Variants in CDH12 observed in about 807,000 individuals in gnomAD.
CDH12 encodes cadherin 12, also known as cadherin-12.
CDH12 carries 41 observed loss-of-function variants against 74.1 expected under a neutral mutation model. The observed-to-expected ratio is 0.55, with a 90% CI of 0.43 to 0.72. The LOEUF is 0.72. CDH12 is among the 30% of genes least tolerant of loss of function. The pLI is 0.00. For synonymous variants in CDH12, 399 were observed against 355.0 expected (o/e 1.12, Z -1.39); for missense variants, 945 against 977.2 (o/e 0.97, Z 0.44).
In CDH12 at chr5:22,435,937, C is replaced by A. The variant is rs541891139; in HGVS notation, c.-427-30586G>T. Among the ~76,000 whole-genome samples the A allele has an allele frequency of 2.0e-5, 3 of 151,734 alleles. No individual in the cohort carries two copies. The East Asian group carries it at 5.9e-4, about 30-fold the overall frequency. On this transcript the variant is annotated intron_variant, in intron 2 of 14. Coordinates refer to ENST00000382254, the MANE Select transcript of CDH12 (RefSeq NM_004061.5). ...TCCTGGCTCACTGGTTTCCCCCCAC[C>A]CATCATGGTGTCTTTAAAAACTCTG...
At chr5:21,868,300 C>A (rs1258579234) in intron 6 of CDH12, among the ~76,000 whole-genome samples, 1 of 152,158 alleles carries the variant, frequency 6.6e-6, no homozygotes, top group African/African-American at 2.4e-5. Flanking sequence ...CCTTTATCAG[C>A]AGTGTAAAAC....
At chr5:22,738,941 C>T (rs982687990) in intron 1 of CDH12, among the ~76,000 whole-genome samples, 3 of 152,032 alleles carry the variant, frequency 2.0e-5, no homozygotes, top group African/African-American at 7.2e-5. Context: ...TATTAAACAA[C>T]TGACATATTT....
At chr5:22,212,262 C>A (rs566978365) in intron 4 of CDH12, 10 of 152,434 alleles carry the variant, frequency 6.6e-5, no homozygotes, top group African/African-American at 1.9e-4. Context: ...AATTAACTAT[C>A]TTTTCATGTT....
intron 5 of CDH12, among the ~76,000 whole-genome samples, chr5:21,987,697 T>C (rs1757574581): frequency 6.6e-6 from 1 of 152,216 alleles, no homozygotes; most frequent in Non-Finnish European, 1.5e-5. Context: ...CCTTGATTGT[T>C]CTTAATGGGA....
At chr5:22,580,638 C>A in intron 1 of CDH12, 1 of 466,952 alleles carries the variant, frequency 2.1e-6, no homozygotes, top group South Asian at 1.7e-5. Context: ...CCCTACTGAC[C>A]ACAAAATAGG....
intron 6 of CDH12, among the ~76,000 whole-genome samples, chr5:21,940,214 G>A (rs1190783919): frequency 2.0e-5 from 3 of 151,838 alleles, no homozygotes; most frequent in Non-Finnish European, 2.9e-5. Flanking sequence ...GTGACAAAGC[G>A]AGACTCCATC....
At chr5:22,615,071 A>C (rs556897683) in intron 1 of CDH12, among the ~76,000 whole-genome samples, 1 of 152,114 alleles carries the variant, frequency 6.6e-6, no homozygotes, top group African/African-American at 2.4e-5. Context: ...TCCATTTAAC[A>C]TTTTTGGATC....
intron 5 of CDH12, among the ~76,000 whole-genome samples, chr5:22,068,553 T>C (rs979028259): frequency 7.2e-5 from 11 of 152,162 alleles, no homozygotes; most frequent in Non-Finnish European, 1.5e-4. Context: ...TCATGGGCTG[T>C]GGCCAAGGAG....
chr5:22,691,083 G>A (rs1274171638), intron 1 of CDH12, among the ~76,000 whole-genome samples: 2 of 151,978 alleles, frequency 1.3e-5, no homozygotes, highest in Non-Finnish European at 2.9e-5. Flanking sequence ...CTTAGCAATT[G>A]CTCATCTATA....
At chr5:21,778,462 A>C (rs1217624978) in intron 11 of CDH12, among the ~76,000 whole-genome samples, 5 of 132,874 alleles carry the variant, frequency 3.8e-5, no homozygotes, top group Non-Finnish European at 6.6e-5. Context: ...TTTGGCATAT[A>C]AGCCAAAAAA....
chr5:22,030,521 T>C (rs1023433944), intron 5 of CDH12, among the ~76,000 whole-genome samples: 2 of 152,224 alleles, frequency 1.3e-5, no homozygotes, highest in Admixed American at 6.5e-5. Flanking sequence ...TAAGTTATGC[T>C]GTAAGCAGAT....
chr5:22,785,057 C>T (rs865783218), intron 1 of CDH12, among the ~76,000 whole-genome samples: 2 of 151,998 alleles, frequency 1.3e-5, no homozygotes, highest in African/African-American at 4.8e-5. Flanking sequence ...CCTAACAAAT[C>T]GAAGGAAGGA....
chr5:22,720,248 TAGTA>T (rs1359908588), intron 1 of CDH12, among the ~76,000 whole-genome samples: 1 of 152,158 alleles, frequency 6.6e-6, no homozygotes, highest in Non-Finnish European at 1.5e-5. Context: ...GTCTTTGTGA[TAGTA>T]AGTGAGTTCT....
intron 6 of CDH12, among the ~76,000 whole-genome samples, chr5:21,948,006 G>A (rs951632134): frequency 6.6e-6 from 1 of 152,192 alleles, no homozygotes; most frequent in Non-Finnish European, 1.5e-5. Context: ...GGGCCTGAGG[G>A]TACACAGAAG....
intron 5 of CDH12, among the ~76,000 whole-genome samples, chr5:22,017,878 G>A (rs1445902218): frequency 1.3e-5 from 2 of 151,482 alleles, no homozygotes; most frequent in African/African-American, 2.4e-5. Flanking sequence ...TCGTGCTTCA[G>A]CCTCCCGAGT....
chr5:22,614,558 T>C (rs1185139052), intron 1 of CDH12, among the ~76,000 whole-genome samples: 1 of 58,816 alleles, frequency 1.7e-5, no homozygotes, highest in African/African-American at 7.1e-5. Context: ...AAAAGACTAG[T>C]TAATTTAAGG....
Position 22,212,601 on chromosome 5 carries a change from C to T in CDH12, c.-290G>A. Reference sequence around the variant, plus strand: ...TCAATCAACACCCTCCAAGTAGCTGCATCCTGTGCTCCTTTTCCCTGTTAT... The same window carrying T: ...TCAATCAACACCCTCCAAGTAGCTGTATCCTGTGCTCCTTTTCCCTGTTAT... On this transcript the variant is annotated 5_prime_UTR_variant, in exon 4 of 15. It removes an upstream start codon present in the reference 5' UTR. Coordinates refer to ENST00000382254, the MANE Select transcript of CDH12 (RefSeq NM_004061.5). 1.0e-6 allele frequency: 1 copy of T among 985,588 alleles called. No homozygotes were observed. The highest frequency in any genetic ancestry group is 1.2e-6 in the Non-Finnish European group (1 of 829,698). 61.1% of individuals were successfully genotyped at this position (985,588 alleles called of 1,614,324 possible).
intron 5 of CDH12, among the ~76,000 whole-genome samples, chr5:22,031,051 T>C (rs910800302): frequency 1.3e-5 from 2 of 152,126 alleles, no homozygotes; most frequent in African/African-American, 2.4e-5. Context: ...GAGAACGTTG[T>C]GGGCCAGGCA....
chr5:22,488,033 A>T (rs1393123479), intron 2 of CDH12, among the ~76,000 whole-genome samples: 1 of 152,250 alleles, frequency 6.6e-6, no homozygotes, highest in Non-Finnish European at 1.5e-5. Flanking sequence ...CAAAAGCAGA[A>T]GTCATGTAAT....
Sources: gnomAD v4.1 joint callset for allele counts (sites outside exome capture counted in the v4.1 genomes callset) on GRCh38, gnomAD v4.1.1 for gene constraint, MANE v1.5 for transcripts, NCBI Gene and HGNC (gene_info 2026-07-23, HGNC 2026-07-21) for gene names.